The following LATS2 variants were observed in gnomAD, a reference collection of about 807,000 sequenced individuals.
The protein encoded by LATS2 is large tumor suppressor kinase 2, also known as serine/threonine-protein kinase LATS2.
In LATS2, 24 loss-of-function variants were observed where a neutral mutation model predicts 76.0. The ratio of observed to expected loss-of-function variants is 0.32; its 90% CI spans 0.23 to 0.44. The LOEUF (loss-of-function observed/expected upper bound fraction) is 0.44, where lower values mean the gene tolerates loss of function less well. Ranked by LOEUF, LATS2 falls within the 20% of genes least tolerant of loss-of-function variation. The pLI, the probability that LATS2 is intolerant of heterozygous loss-of-function variation, is 1.00. For missense variants in LATS2, 1,286 were observed against 1,481.2 expected (o/e 0.87, Z 2.16); for synonymous variants, 692 against 635.4 (o/e 1.09, Z -1.34).
rs922015944 is a variant in LATS2 at position 21,061,190 on chromosome 13, T to C, written c.-205+156A>G. On this transcript the variant is annotated intron_variant, in intron 1 of 7. Coordinates refer to ENST00000382592, the MANE Select transcript of LATS2 (RefSeq NM_014572.3). ...GGACCGTGGGGGCAGGGCGCAGGGC[T>C]CCGTCCGGACAAACTTCCTCGGCCG... 1.1e-3 allele frequency among the ~76,000 whole-genome samples: 167 copies of C among 150,642 alleles called. 1 individual carries two copies. Among genetic ancestry groups the C allele is most frequent in the African/African-American group, 3.6e-3 (148 of 40,982 alleles).
intron 2 of LATS2, among the ~76,000 whole-genome samples, chr13:21,009,738 T>C (rs551641202): frequency 6.6e-6 from 1 of 152,028 alleles, no homozygotes. Flanking sequence ...CAGACGACAA[T>C]ACACCAAGTA....
In LATS2 at chr13:21,051,418, TAGAG is replaced by T. The variant is rs577327794; in HGVS notation, c.-204-5192_-204-5189del. ...CCCAAAGAATTATGGGGATCTGAAA[TAGAG>T]AGCAGTTACAGGATAGAGAAAAGTG... is the stretch of plus-strand genomic sequence containing the variant. On this transcript the variant is annotated intron_variant, in intron 1 of 7. Transcript: ENST00000382592. 1.7e-3 allele frequency among the ~76,000 whole-genome samples: 264 copies of T among 152,226 alleles called. 3 individuals are homozygous for T. Among genetic ancestry groups the T allele is most frequent in the African/African-American group, 5.3e-3 (219 of 41,548 alleles).
chr13:21,002,135 G>A (rs139096997), intron 2 of LATS2, among the ~76,000 whole-genome samples: 5,761 of 151,712 alleles, frequency 0.038, 131 homozygotes, highest in Non-Finnish European at 0.049. Context: ...AGATGGTCTC[G>A]ATCTCCTGAC....
intron 2 of LATS2, among the ~76,000 whole-genome samples, chr13:20,999,570 G>C (rs1870949204): frequency 6.6e-6 from 1 of 151,956 alleles, no homozygotes; most frequent in African/African-American, 2.4e-5. Flanking sequence ...CCCGGCTTAA[G>C]CAATCCTCCC....
chr13:21,042,586 C>A (rs979659806), intron 2 of LATS2, among the ~76,000 whole-genome samples: 3 of 151,994 alleles, frequency 2.0e-5, no homozygotes, highest in African/African-American at 7.3e-5. Flanking sequence ...ACTTCAGAGG[C>A]TGAGGTAGGA....
chr13:21,047,693 T>A (rs1240073811), intron 1 of LATS2, among the ~76,000 whole-genome samples: 1 of 151,678 alleles, frequency 6.6e-6, no homozygotes, highest in African/African-American at 2.4e-5. Flanking sequence ...ACAGACTTTT[T>A]CAAGTGGATT....
intron 4 of LATS2, among the ~76,000 whole-genome samples, chr13:20,986,758 G>A (rs1870160810): frequency 6.6e-6 from 1 of 152,108 alleles, no homozygotes; most frequent in Non-Finnish European, 1.5e-5. Flanking sequence ...TAGAAGAGAG[G>A]TCTTGAAATG....
intron 2 of LATS2, among the ~76,000 whole-genome samples, chr13:21,024,110 AAAAAAG>A (rs1565957883): frequency 6.8e-6 from 1 of 146,366 alleles, no homozygotes; most frequent in Admixed American, 7.1e-5. Context: ...AAAAAAAAAA[AAAAAAG>A]AAAAAGAAAA....
intron 2 of LATS2, among the ~76,000 whole-genome samples, chr13:21,029,071 T>C (rs182236686): frequency 5.9e-5 from 9 of 152,328 alleles, no homozygotes; most frequent in Admixed American, 4.6e-4. Flanking sequence ...TCTGTGTACT[T>C]TTATTTCTTT....
At chr13:20,989,354 G>C (rs1183979137) in intron 3 of LATS2, 50 bp from the exon 4 acceptor site, 1 of 1,595,724 alleles carries the variant, frequency 6.3e-7, no homozygotes, top group South Asian at 1.1e-5. Context: ...GTGATCAGTG[G>C]GTTCTGGCAC....
At chr13:20,978,119 G>C (rs780726732) in intron 7 of LATS2, among the ~76,000 whole-genome samples, 1 of 152,062 alleles carries the variant, frequency 6.6e-6, no homozygotes, top group Non-Finnish European at 1.5e-5. Flanking sequence ...GTTTCACTAC[G>C]TTGGCCAGGC....
At position 20,998,796 on chromosome 13, in the gene LATS2, GACC is replaced by G. The variant is rs1357839244; in HGVS notation, c.343-7395_343-7393del. On this transcript the variant is annotated intron_variant, in intron 2 of 7. Coordinates refer to ENST00000382592, the MANE Select transcript of LATS2 (RefSeq NM_014572.3). The stretch of plus-strand genomic sequence containing the variant: ...TTGGGCTGGTGGGGCAGAGCCCCGT[GACC>G]TTGTCCACACGGGGCGGGGGCCGCA... Among the ~76,000 whole-genome samples, 28 of 152,264 alleles carry G rather than the reference GACC, an allele frequency of 1.8e-4. No homozygotes were observed. The East Asian group carries it at 4.8e-3, about 26-fold the overall frequency.
At chr13:20,994,128 T>C (rs1870636010) in intron 2 of LATS2, among the ~76,000 whole-genome samples, 2 of 152,204 alleles carry the variant, frequency 1.3e-5, no homozygotes, top group Admixed American at 1.3e-4. Context: ...TGTATGTTTA[T>C]TGTGCATCAA....
intron 3 of LATS2, among the ~76,000 whole-genome samples, chr13:20,990,145 C>T (rs1870440917): frequency 6.6e-6 from 1 of 152,212 alleles, no homozygotes; most frequent in Non-Finnish European, 1.5e-5. Flanking sequence ...CACACCAAGG[C>T]TTTGTTTTCC....
chr13:21,019,368 C>T (rs1053019150), intron 2 of LATS2, among the ~76,000 whole-genome samples: 1 of 149,432 alleles, frequency 6.7e-6, no homozygotes, highest in Non-Finnish European at 1.5e-5. Context: ...CTCTTGTAGC[C>T]CACGCTGGAG....
chr13:20,998,587 G>A (rs949975878), intron 2 of LATS2, among the ~76,000 whole-genome samples: 2 of 152,270 alleles, frequency 1.3e-5, no homozygotes, highest in Middle Eastern at 6.8e-3. Context: ...ATTTCCAAAG[G>A]GTGTTCCAAC....
At chr13:21,026,961 TTC>T (rs767815541) in intron 2 of LATS2, among the ~76,000 whole-genome samples, 92 of 151,886 alleles carry the variant, frequency 6.1e-4, no homozygotes, top group Non-Finnish European at 9.7e-4. Flanking sequence ...TAATTTGCAT[TTC>T]TCTGATGATG....
rs1351775071 is a variant in LATS2 at position 20,973,276 on chromosome 13, A to T, written c.*1594T>A. ...CACAAATGTAAACCAGTACACAGGA[A>T]TCTTTATTTTTTTAGTTTAAACACT... is the stretch of plus-strand genomic sequence containing the variant. On this transcript the variant is annotated 3_prime_UTR_variant, in exon 8 of 8. Coordinates refer to ENST00000382592, the MANE Select transcript of LATS2 (RefSeq NM_014572.3). 4.3e-6 allele frequency: 1 copy of T among 231,732 alleles called. No homozygotes were observed. Among genetic ancestry groups the T allele is most frequent in the Admixed American group, 5.6e-5 (1 of 17,720 alleles). 14.4% of individuals were successfully genotyped at this position (231,732 alleles called of 1,614,324 possible).
intron 1 of LATS2, among the ~76,000 whole-genome samples, chr13:21,050,769 AGC>A (rs1244177332): frequency 6.6e-6 from 1 of 152,206 alleles, no homozygotes; most frequent in African/African-American, 2.4e-5. Context: ...TACGCTGAAG[AGC>A]GACTGGCAGA....
Sources: gnomAD v4.1 joint callset for allele counts (sites outside exome capture counted in the v4.1 genomes callset) on GRCh38, gnomAD v4.1.1 for gene constraint, MANE v1.5 for transcripts, NCBI Gene and HGNC (gene_info 2026-07-23, HGNC 2026-07-21) for gene names.